The following ERAP1 variants were observed in gnomAD, a reference collection of about 807,000 sequenced individuals.
The protein encoded by ERAP1 is adipocyte-derived leucine aminopeptidase.
ERAP1 carries 86 observed loss-of-function variants against 103.7 expected under a neutral mutation model. The ratio of observed to expected loss-of-function variants is 0.83; its 90% CI spans 0.70 to 0.99. ERAP1 has a LOEUF of 0.99. Among genes scored for constraint, ERAP1 ranks in the 50% least tolerant of loss-of-function variants. The probability of loss-of-function intolerance (pLI) is 0.00; values close to 1 mark genes in which losing one functional copy is unlikely to be tolerated. For synonymous variants in ERAP1, 398 were observed against 402.4 expected (o/e 0.99, Z 0.13); for missense variants, 1,009 against 1,128.4 (o/e 0.89, Z 1.52).
chr5:96,788,655 T>A lies in ERAP1; in HGVS notation c.1555A>T (p.Thr519Ser). ...HWHQEGVDVK[T>S]MMNTWTLQKG... is the part of the protein sequence containing the mutation. Reference sequence around the variant, plus strand: ...TGCAGTGTCCAAGTGTTCATCATGGTTTTCACATCCACCCCTTCCTGATGC... The same window carrying A: ...TGCAGTGTCCAAGTGTTCATCATGGATTTCACATCCACCCCTTCCTGATGC... Residue 519 changes from threonine (T) to serine (S), a missense_variant, in exon 11 of 19, where the codon ACC (threonine) becomes TCC (serine). Transcript: ENST00000443439. 1 of 1,614,128 alleles carries A rather than the reference T, an allele frequency of 6.2e-7. No homozygotes were observed. The highest frequency in any genetic ancestry group is 1.7e-5 in the Admixed American group (1 of 60,020).
chr5:96,890,471 C>T, the ERAP1 span, among the ~76,000 whole-genome samples: 3 of 152,196 alleles, frequency 2.0e-5, no homozygotes, highest in Non-Finnish European at 4.4e-5. Context: ...AGGCCATTGA[C>T]AGGTACTGGT....
chr5:96,848,508 T>C, the ERAP1 span, among the ~76,000 whole-genome samples: 515 of 152,242 alleles, frequency 3.4e-3, 1 homozygote, highest in Admixed American at 6.1e-3. Context: ...ATATGAACAA[T>C]TGTACACCAA....
the ERAP1 span, among the ~76,000 whole-genome samples, chr5:96,845,963 G>T: frequency 1.3e-5 from 2 of 151,942 alleles, no homozygotes; most frequent in African/African-American, 4.8e-5. Context: ...CATACAATAG[G>T]GCATAATTTA....
At chr5:96,856,365 T>TAGAGAGAGAG in the ERAP1 span, among the ~76,000 whole-genome samples, 56 of 20,350 alleles carry the variant, frequency 2.8e-3, 3 homozygotes, top group African/African-American at 6.9e-3. Flanking sequence ...TATATATATA[T>TAGAGAGAGAG]AGAGAGAGAG....
the ERAP1 span, among the ~76,000 whole-genome samples, chr5:96,827,101 C>G: frequency 6.6e-6 from 1 of 152,176 alleles, no homozygotes; most frequent in Non-Finnish European, 1.5e-5. Context: ...TTTTTTGGAT[C>G]TGAGACTGAG....
chr5:96,844,332 G>A, the ERAP1 span, among the ~76,000 whole-genome samples: 1 of 152,076 alleles, frequency 6.6e-6, no homozygotes, highest in Non-Finnish European at 1.5e-5. Context: ...TTACTGCTCT[G>A]TTTCCTGCAT....
At chr5:96,847,854 C>T in the ERAP1 span, among the ~76,000 whole-genome samples, 6 of 152,070 alleles carry the variant, frequency 3.9e-5, no homozygotes, top group Admixed American at 6.5e-5. Flanking sequence ...CATTAAATGC[C>T]AACACCAAAG....
At chr5:96,798,871 C>CTTTTTTTTTTTT (rs10646647) in intron 3 of ERAP1, among the ~76,000 whole-genome samples, 3 of 124,878 alleles carry the variant, frequency 2.4e-5, no homozygotes, top group Non-Finnish European at 3.3e-5. Flanking sequence ...CAAAAATTTC[C>CTTTTTTTTTTTT]TTTTTTTTTT....
the ERAP1 span, among the ~76,000 whole-genome samples, chr5:96,850,612 A>G: frequency 2.0e-5 from 3 of 152,188 alleles, no homozygotes; most frequent in African/African-American, 7.2e-5. Context: ...AAAGATGTGG[A>G]GAAAAGGGAC....
At chr5:96,760,968 C>A (rs1398723533) in exon 20 of ERAP1, 1 of 151,922 alleles carries the variant, frequency 6.6e-6, no homozygotes, top group East Asian at 1.9e-4. Flanking sequence ...CAACTAAACA[C>A]TAGCATATGT....
chr5:96,856,324 A>G, the ERAP1 span, among the ~76,000 whole-genome samples: 1 of 22,558 alleles, frequency 4.4e-5, no homozygotes, highest in Non-Finnish European at 8.3e-5. Flanking sequence ...GTCTCAAAAA[A>G]AAAAAAAAAA....
chr5:96,910,776 T>C, the ERAP1 span, among the ~76,000 whole-genome samples: 2 of 152,348 alleles, frequency 1.3e-5, no homozygotes, highest in African/African-American at 4.8e-5. Context: ...GTATGAATTT[T>C]AATGAAGAAT....
At chr5:96,933,206 C>T in the ERAP1 span, among the ~76,000 whole-genome samples, 1 of 147,232 alleles carries the variant, frequency 6.8e-6, no homozygotes, top group Non-Finnish European at 1.5e-5. Context: ...TATACAAAAC[C>T]ACGTCTTTTT....
chr5:96,892,122 G>A, the ERAP1 span, among the ~76,000 whole-genome samples: 1 of 152,052 alleles, frequency 6.6e-6, no homozygotes, highest in Non-Finnish European at 1.5e-5. Flanking sequence ...TTGATAATGG[G>A]CACTGATTAT....
At position 96,805,356 on chromosome 5, in the gene ERAP1, T is replaced by TAA. The variant is rs201671273; in HGVS notation, c.-17-1414_-17-1413insTT. 2.4e-4 allele frequency among the ~76,000 whole-genome samples: 32 copies of TAA among 133,428 alleles called. 1 individual carries two copies. The highest frequency in any genetic ancestry group is 7.5e-4 in the South Asian group (3 of 3,994). The allele number at this position is 133,428 out of a possible 152,430, so 87.5% of individuals were successfully genotyped here. A position where few individuals can be genotyped will look rare whatever the true frequency, so the allele number is the denominator to read the frequency against. On this transcript the variant is annotated intron_variant, in intron 1 of 18. Transcript: ENST00000443439. ...AATTTCTGGTTTTTGGTTTTTTTTT[T>TAA]TAAAAAAAAAAAAAACTGTCCAGAG...
chr5:96,819,527 GA>G, the ERAP1 span, among the ~76,000 whole-genome samples: 1 of 152,250 alleles, frequency 6.6e-6, no homozygotes, highest in Non-Finnish European at 1.5e-5. Context: ...GTGTGTGAGA[GA>G]GAGAGAGAAA....
At chr5:96,885,549 C>A in the ERAP1 span, among the ~76,000 whole-genome samples, 3 of 152,174 alleles carry the variant, frequency 2.0e-5, no homozygotes, top group Non-Finnish European at 4.4e-5. Flanking sequence ...AAAACATTTG[C>A]CATCAAAGTA....
At chr5:96,822,539 A>T in the ERAP1 span, among the ~76,000 whole-genome samples, 1 of 152,184 alleles carries the variant, frequency 6.6e-6, no homozygotes, top group African/African-American at 2.4e-5. Flanking sequence ...GGTTAATTTT[A>T]TGTGTCAACT....
At chr5:96,872,943 A>G in the ERAP1 span, among the ~76,000 whole-genome samples, 1 of 152,194 alleles carries the variant, frequency 6.6e-6, no homozygotes, top group Non-Finnish European at 1.5e-5. Context: ...TAATCCCAGC[A>G]CTTTGGGAGG....
Sources: gnomAD v4.1 joint callset for allele counts (sites outside exome capture counted in the v4.1 genomes callset) on GRCh38, gnomAD v4.1.1 for gene constraint, MANE v1.5 for transcripts, NCBI Gene and HGNC (gene_info 2026-07-23, HGNC 2026-07-21) for gene names.